The following SYNPO variants were observed in gnomAD, a reference collection of about 807,000 sequenced individuals.
SYNPO encodes synaptopodin.
In SYNPO, 19 loss-of-function variants were observed where a neutral mutation model predicts 49.5. The observed-to-expected ratio is 0.38, with a 90% CI of 0.27 to 0.56. The LOEUF (loss-of-function observed/expected upper bound fraction) is 0.56, where lower values mean the gene tolerates loss of function less well. SYNPO is among the 20% of genes least tolerant of loss of function. The pLI, the probability that SYNPO is intolerant of heterozygous loss-of-function variation, is 0.68. For synonymous variants in SYNPO, 536 were observed against 548.0 expected (o/e 0.98, Z 0.31); for missense variants, 1,131 against 1,248.3 (o/e 0.91, Z 1.42).
At chr5:150,628,036 C>CTCTGTG (rs1554108876) in intron 2 of SYNPO, among the ~76,000 whole-genome samples, 1 of 141,956 alleles carries the variant, frequency 7.0e-6, no homozygotes, top group Non-Finnish European at 1.5e-5. Context: ...GTGTGTGTTT[C>CTCTGTG]TGTGTGTGTG....
At chr5:150,651,932 A>T in intron 2 of SYNPO, 1 of 1,000,434 alleles carries the variant, frequency 1.0e-6, no homozygotes, top group Non-Finnish European at 1.2e-6. Flanking sequence ...TTCAGATGGA[A>T]GCTTCGCAAG....
the SYNPO span, among the ~76,000 whole-genome samples, chr5:150,587,835 C>T: frequency 1.4e-4 from 22 of 152,174 alleles, no homozygotes; most frequent in Non-Finnish European, 2.4e-4. Flanking sequence ...AGTCCTGTCT[C>T]TTCTGAGGTT....
At chr5:150,652,119 C>T (rs777093712) in intron 2 of SYNPO, 96 of 1,001,702 alleles carry the variant, frequency 9.6e-5, no homozygotes, top group Middle Eastern at 1.0e-3. Flanking sequence ...TCACACAGAT[C>T]GAGGGGGTAT....
exon 2 of SYNPO, chr5:150,618,424 C>T (rs1757041303): frequency 5.8e-6 from 9 of 1,551,522 alleles, no homozygotes; most frequent in African/African-American, 1.4e-5. Context: ...GGAGGCCTAC[C>T]CCCTGCGCCT....
intron 2 of SYNPO, among the ~76,000 whole-genome samples, chr5:150,634,996 G>A (rs1026183376): frequency 9.9e-5 from 15 of 152,238 alleles, no homozygotes; most frequent in African/African-American, 3.6e-4. Context: ...TCCTGGAGAA[G>A]TGAATTTGAA....
chr5:150,602,857 A>G (rs1431335952), intron 1 of SYNPO, among the ~76,000 whole-genome samples: 1 of 152,120 alleles, frequency 6.6e-6, no homozygotes, highest in East Asian at 1.9e-4. Flanking sequence ...ATCATTTTAA[A>G]TGTTCCTAAG....
upstream of SYNPO, among the ~76,000 whole-genome samples, chr5:150,597,997 T>C (rs78577322): frequency 0.028 from 4,198 of 152,138 alleles, 179 homozygotes; most frequent in African/African-American, 0.097. Flanking sequence ...CCCGGTTACC[T>C]AAGGAGGGAC....
chr5:150,614,705 C>A (rs1756938268), intron 1 of SYNPO: 1 of 152,218 alleles, frequency 6.6e-6, no homozygotes, highest in South Asian at 2.1e-4. Flanking sequence ...AGATGAGGGT[C>A]ATGAATCTGG....
At chr5:150,601,164 C>T (rs1756517018) in exon 1 of SYNPO, 1 of 152,400 alleles carries the variant, frequency 6.6e-6, no homozygotes, top group African/African-American at 2.4e-5. Context: ...GTTGCTGTGC[C>T]AGAGGGTGTG....
intron 2 of SYNPO, chr5:150,650,821 T>C: frequency 7.8e-7 from 1 of 1,279,106 alleles, no homozygotes; most frequent in East Asian, 3.0e-5. Flanking sequence ...CTGGCGTCTT[T>C]CTTCCTGTTG....
intron 2 of SYNPO, chr5:150,624,739 C>T (rs975139650): frequency 2.9e-4 from 195 of 683,172 alleles, no homozygotes; most frequent in Non-Finnish European, 3.2e-4. Flanking sequence ...GAGCAGCCCG[C>T]TAGGCGGTGG....
Position 150,601,739 on chromosome 5 carries a change from G to A in SYNPO, c.-266+551G>A, listed in dbSNP as rs144180261. Among the ~76,000 whole-genome samples, 769 of 152,220 alleles carry A rather than the reference G, an allele frequency of 5.1e-3. 11 individuals are homozygous for A. The highest frequency in any genetic ancestry group is 0.017 in the African/African-American group (706 of 41,520). ...CTGCCCCCTGGGAGGGTCCTCTGGG[G>A]TGAGAGGACACTCACCTGAGTAGGG... On this transcript the variant is annotated intron_variant, in intron 1 of 2. Coordinates refer to the SYNPO transcript ENST00000394243.
intron 2 of SYNPO, chr5:150,653,917 G>A (rs551848402): frequency 6.6e-6 from 1 of 152,298 alleles, no homozygotes; most frequent in East Asian, 1.9e-4. Context: ...TCAGGCTGTT[G>A]TATAACATTC....
At chr5:150,646,660 G>T (rs773020563) in intron 1 of SYNPO, among the ~76,000 whole-genome samples, 10 of 152,074 alleles carry the variant, frequency 6.6e-5, no homozygotes, top group Non-Finnish European at 1.0e-4. Context: ...AGGATGTCGA[G>T]GCTGCAATGA....
intron 1 of SYNPO, among the ~76,000 whole-genome samples, chr5:150,607,047 G>T (rs1023585561): frequency 2.0e-5 from 3 of 151,674 alleles, no homozygotes; most frequent in African/African-American, 7.3e-5. Flanking sequence ...GAGGGGGAGG[G>T]GGTTATTATC....
upstream of SYNPO, among the ~76,000 whole-genome samples, chr5:150,639,433 TG>T (rs1757820934): frequency 6.6e-6 from 1 of 152,210 alleles, no homozygotes; most frequent in Non-Finnish European, 1.5e-5. Flanking sequence ...GGAGTCTGAA[TG>T]GATTGATGAG....
exon 2 of SYNPO, chr5:150,618,111 A>G (rs1331146205): frequency 4.6e-6 from 2 of 433,732 alleles, no homozygotes; most frequent in Non-Finnish European, 8.1e-6. Flanking sequence ...AGATTGCCCC[A>G]AAGCGGCCTC....
intron 2 of SYNPO, 98 bp downstream of exon 2, chr5:150,650,401 G>T: frequency 6.4e-7 from 1 of 1,569,846 alleles, no homozygotes; most frequent in Admixed American, 1.9e-5. Flanking sequence ...GAGCAGATGT[G>T]GCAGGAAATG....
intron 2 of SYNPO, among the ~76,000 whole-genome samples, chr5:150,627,614 A>G (rs912363301): frequency 4.6e-5 from 7 of 152,256 alleles, no homozygotes; most frequent in Non-Finnish European, 8.8e-5. Context: ...CCATAAAAAA[A>G]TAAGTCATGC....
Sources: gnomAD v4.1 joint callset for allele counts (sites outside exome capture counted in the v4.1 genomes callset) on GRCh38, gnomAD v4.1.1 for gene constraint, MANE v1.5 for transcripts, NCBI Gene and HGNC (gene_info 2026-07-23, HGNC 2026-07-21) for gene names.